Variants in KDR observed in about 807,000 individuals in gnomAD.
KDR encodes the protein vascular endothelial growth factor receptor 2.
A neutral mutation model predicts 160.9 loss-of-function variants in KDR; 43 were observed. The observed-to-expected ratio is 0.27, with a 90% confidence interval of 0.21 to 0.34. KDR has a LOEUF of 0.34. KDR is among the 10% of genes least tolerant of loss of function. KDR has a pLI of 1.00. For missense variants in KDR, 1,469 were observed against 1,666.4 expected (o/e 0.88, Z 2.06); for synonymous variants, 617 against 600.1 (o/e 1.03, Z -0.41).
intron 26 of KDR, 140 bp downstream of exon 26, chr4:55,088,728 T>C: frequency 1.4e-6 from 1 of 709,238 alleles, no homozygotes. Context: ...AAAAGCATTA[T>C]TACTCAGATG....
In KDR at chr4:55,098,239, A is replaced by T. The variant is rs1418852610; in HGVS notation, c.2407T>A (p.Ser803Thr). 4.3e-5 allele frequency: 69 copies of T among 1,613,792 alleles called. No individual in the cohort carries two copies. The highest frequency in any genetic ancestry group is 5.5e-5 in the Non-Finnish European group (65 of 1,179,860). Residue 803 changes from serine (S) to threonine (T), a missense_variant, in exon 17 of 30, where the codon TCC becomes ACC. By Grantham distance (58) the Ser-to-Thr change is moderately conservative. This residue lies in a region of KDR where 118 missense variants were observed against 110.8 expected (regional missense o/e 1.06). Coordinates refer to ENST00000263923, the MANE Select transcript of KDR (RefSeq NM_002253.4). ...AGTTCATCTGGATCCATGACGATGG[A>T]CAAGTAGCCTGTCTTCAGTTCCCCT... is the stretch of plus-strand genomic sequence containing the variant. ...NGGELKTGYL[S>T]IVMDPDELPL...
rs189280681 is a variant in KDR at position 55,109,217 on chromosome 4, G to C, written c.1255+1186C>G. ...CCTGCCTCAGCCTCCCAAGTAGCTG[G>C]GATTACAGGTGCCCACCACCATGCC... On this transcript the variant is annotated intron_variant, in intron 9 of 29. Coordinates refer to ENST00000263923, the MANE Select transcript of KDR (RefSeq NM_002253.4). 2.4e-4 allele frequency among the ~76,000 whole-genome samples: 36 copies of C among 152,072 alleles called. No individual in the cohort carries two copies. In the East Asian group the frequency reaches 7.0e-3, roughly 29 times the overall value.
chr4:55,119,648 C>T (rs6837735), intron 2 of KDR, among the ~76,000 whole-genome samples: 31,019 of 151,928 alleles, frequency 0.2, 3,482 homozygotes, highest in East Asian at 0.44. Context: ...GGAGCAGGTG[C>T]ATATCTGGAG....
At chr4:55,119,939 T>C (rs1057133990) in intron 2 of KDR, among the ~76,000 whole-genome samples, 2 of 152,210 alleles carry the variant, frequency 1.3e-5, no homozygotes, top group African/African-American at 4.8e-5. Context: ...AAGTTACTTT[T>C]AACACACTCC....
In KDR at chr4:55,104,646, G is replaced by A. The variant is rs779902862; in HGVS notation, c.1984C>T (p.Leu662=). ...TGATCCAGAATTGTCTCCCTACCTA[G>A]GACTGTGAGCTGCCTGACCACGCAA... The part of the protein sequence containing the change: ...RHCVVRQLTV[L]ERVAPTITGN... Residue 662 remains leucine (L), a synonymous_variant, in exon 13 of 30, where the codon CTA becomes TTA. Transcript: ENST00000263923. 2 of 1,612,962 alleles carry A rather than the reference G, an allele frequency of 1.2e-6. No homozygotes were observed. The highest frequency in any genetic ancestry group is 1.7e-6 in the Non-Finnish European group (2 of 1,179,398).
intron 3 of KDR, among the ~76,000 whole-genome samples, chr4:55,117,520 T>C (rs1423606752): frequency 6.6e-6 from 1 of 152,180 alleles, no homozygotes; most frequent in Non-Finnish European, 1.5e-5. Context: ...TTCTCAAACA[T>C]TGTGAATCCA....
Position 55,104,653 on chromosome 4 carries a change from G to A in KDR, c.1977C>T (p.Leu659=), listed in dbSNP as rs768377010. ...GAATTGTCTCCCTACCTAGGACTGT[G>A]AGCTGCCTGACCACGCAATGTCTTT... ...TKKRHCVVRQ[L]TVLERVAPTI... Residue 659 remains leucine, a synonymous_variant, in exon 13 of 30, where the codon CTC becomes CTT. Coordinates refer to ENST00000263923, the MANE Select transcript of KDR (RefSeq NM_002253.4). 8.7e-6 allele frequency: 14 copies of A among 1,613,262 alleles called. No homozygotes were observed. The Admixed American group carries it at 1.7e-4, about 19-fold the overall frequency.
At position 55,107,845 on chromosome 4, in the gene KDR, T is replaced by C; in HGVS notation, c.1304A>G (p.Tyr435Cys). 1 of 1,613,898 alleles carries C rather than the reference T, an allele frequency of 6.2e-7. No homozygotes were observed. Among genetic ancestry groups the C allele is most frequent in the African/African-American group, 1.3e-5 (1 of 74,986 alleles). Residue 435 changes from tyrosine to cysteine, a missense_variant, in exon 10 of 30, where the codon TAC becomes TGC. By Grantham distance (194) the Tyr-to-Cys change is radical. Transcript: ENST00000263923. ...EKSLISPVDSYQYGTTQTLTC... is the reference protein window; with the variant it reads ...EKSLISPVDSCQYGTTQTLTC... ...CAGCGTTTGAGTGGTGCCGTACTGG[T>C]AGGAATCCACAGGAGAGATTAGAGA...
rs141706472 is a variant in KDR, at chr4:55,093,207, A to G, written c.2972-493T>C. On this transcript the variant is annotated intron_variant, in intron 21 of 29. Coordinates refer to ENST00000263923, the MANE Select transcript of KDR (RefSeq NM_002253.4). Reference sequence around the variant, plus strand: ...AACTAAAAATACTAGAAATATATTTAATTCATTTTCAAACTTAAAAAGTGC... The same window carrying G: ...AACTAAAAATACTAGAAATATATTTGATTCATTTTCAAACTTAAAAAGTGC... Among the ~76,000 whole-genome samples, 44 of 152,376 alleles carry G rather than the reference A, an allele frequency of 2.9e-4. No homozygotes were observed. In the East Asian group the frequency reaches 7.9e-3, roughly 27 times the overall value.
At chr4:55,108,080 G>A (rs1323491265) in intron 9 of KDR, among the ~76,000 whole-genome samples, 187 bp from the exon 10 acceptor site, 2 of 151,826 alleles carry the variant, frequency 1.3e-5, no homozygotes, top group Non-Finnish European at 2.9e-5. Flanking sequence ...ATAACAACTA[G>A]CCAGGCATGG....
chr4:55,085,681 G>T (rs1719845305), intron 27 of KDR, among the ~76,000 whole-genome samples: 2 of 152,222 alleles, frequency 1.3e-5, no homozygotes, highest in Non-Finnish European at 2.9e-5. Flanking sequence ...GCAGACAAAA[G>T]ATTCCAATTT....
In KDR at chr4:55,121,203, T is replaced by G; in HGVS notation, c.68-13A>C. On this transcript the variant is annotated splice_polypyrimidine_tract_variant and intron_variant, in intron 1 of 29. Coordinates refer to ENST00000263923, the MANE Select transcript of KDR (RefSeq NM_002253.4). ...ACACTAGGCAAACCTAGAAACAAATTAAATAAATGAATGTAGTTGCCACTG... is the reference window on the plus strand; with the variant it reads ...ACACTAGGCAAACCTAGAAACAAATGAAATAAATGAATGTAGTTGCCACTG... The G allele has an allele frequency of 6.3e-7, 1 of 1,596,882 alleles. No individual in the cohort carries two copies. Among genetic ancestry groups the G allele is most frequent in the Non-Finnish European group, 8.6e-7 (1 of 1,164,550 alleles).
At chr4:55,124,494 T>C (rs1321894133) in intron 1 of KDR, among the ~76,000 whole-genome samples, 1 of 152,140 alleles carries the variant, frequency 6.6e-6, no homozygotes, top group East Asian at 1.9e-4. Flanking sequence ...AACTTCTGAC[T>C]ATGCGCTTAC....
chr4:55,103,782 A>C (rs73816209), intron 13 of KDR, among the ~76,000 whole-genome samples: 3,929 of 152,172 alleles, frequency 0.026, 190 homozygotes, highest in African/African-American at 0.09. Flanking sequence ...CTAACAGTAA[A>C]AAAAAAACAG....
intron 1 of KDR, among the ~76,000 whole-genome samples, chr4:55,123,520 T>C (rs1231094211): frequency 6.6e-6 from 1 of 152,260 alleles, no homozygotes; most frequent in Middle Eastern, 3.2e-3. Context: ...TGCCATACTA[T>C]TCTAGAGACA....
At chr4:55,102,199 T>C (rs539115556) in intron 14 of KDR, among the ~76,000 whole-genome samples, 163 bp downstream of exon 14, 172 of 152,248 alleles carry the variant, frequency 1.1e-3, no homozygotes, top group Non-Finnish European at 2.2e-3. Flanking sequence ...TTCATGAAAA[T>C]TCAACAGGGC....
intron 29 of KDR, among the ~76,000 whole-genome samples, chr4:55,081,755 C>T (rs1389978609): frequency 6.6e-6 from 1 of 152,156 alleles, no homozygotes; most frequent in East Asian, 1.9e-4. Flanking sequence ...ACCAAATTCT[C>T]TAATTTATTT....
intron 6 of KDR, among the ~76,000 whole-genome samples, chr4:55,113,695 C>A (rs1187944709): frequency 6.6e-6 from 1 of 152,138 alleles, no homozygotes; most frequent in Non-Finnish European, 1.5e-5. Context: ...TAAAACCTCA[C>A]GTGGTGAAAG....
At chr4:55,113,061 A>C (rs1720636492) in intron 7 of KDR, among the ~76,000 whole-genome samples, 1 of 152,254 alleles carries the variant, frequency 6.6e-6, no homozygotes, top group Non-Finnish European at 1.5e-5. Flanking sequence ...CAATAACTAT[A>C]ATAAGTAATA....
Sources: allele counts gnomAD v4.1 joint callset (sites outside exome capture counted in the v4.1 genomes callset), GRCh38; gene constraint gnomAD v4.1.1; regional missense constraint gnomAD v4.1.1; transcripts MANE v1.5; gene names NCBI Gene and HGNC (gene_info 2026-07-23, HGNC 2026-07-21).